Variants in NDUFS4 observed in about 807,000 individuals in gnomAD.
NDUFS4 encodes NADH:ubiquinone oxidoreductase subunit S4.
Under a neutral mutation model 24.3 loss-of-function variants are expected in NDUFS4, and 28 were observed. The observed-to-expected ratio is 1.15, with a 90% CI of 0.85 to 1.58. NDUFS4 has a LOEUF of 1.58. Ranked by LOEUF, NDUFS4 falls within the 40% of genes most tolerant of loss-of-function variation. The pLI is 0.00. For missense variants in NDUFS4, 223 were observed against 207.9 expected (o/e 1.07, Z -0.45); for synonymous variants, 93 against 69.7 (o/e 1.34, Z -1.67).
rs139752743 is a variant in NDUFS4 at position 53,593,813 on chromosome 5, T to C, written c.99-9639T>C. Reference sequence around the variant, plus strand: ...GAGACTTTTTTGACCCATGAGTTATTTAGAAGTGTATTGTTTGATCTCCAA... The same window carrying C: ...GAGACTTTTTTGACCCATGAGTTATCTAGAAGTGTATTGTTTGATCTCCAA... On this transcript the variant is annotated intron_variant, in intron 1 of 4. Transcript: ENST00000296684. Among the ~76,000 whole-genome samples, 108 of 152,226 alleles carry C rather than the reference T, an allele frequency of 7.1e-4. 2 individuals are homozygous for C. In the East Asian group the frequency reaches 0.016, roughly 23 times the overall value.
intron 1 of NDUFS4, among the ~76,000 whole-genome samples, chr5:53,598,218 C>G (rs192325479): frequency 3.9e-5 from 6 of 152,284 alleles, no homozygotes; most frequent in Middle Eastern, 3.4e-3. Flanking sequence ...AAAACATAGT[C>G]TTAACGTATG....
intron 2 of NDUFS4, among the ~76,000 whole-genome samples, chr5:53,638,960 C>T (rs1479251184): frequency 3.9e-5 from 6 of 151,908 alleles, no homozygotes; most frequent in African/African-American, 1.2e-4. Context: ...ATTTTTTTCC[C>T]CCAAGATTCC....
intron 1 of NDUFS4, among the ~76,000 whole-genome samples, chr5:53,585,077 G>T (rs1016540486): frequency 3.9e-5 from 6 of 152,144 alleles, no homozygotes; most frequent in Non-Finnish European, 7.4e-5. Context: ...ATGTTTTAAA[G>T]TTAAAAAATC....
intron 2 of NDUFS4, among the ~76,000 whole-genome samples, chr5:53,625,392 T>C (rs1561370691): frequency 6.6e-6 from 1 of 152,334 alleles, no homozygotes; most frequent in African/African-American, 2.4e-5. Context: ...ATTCTTGGAA[T>C]TTTTGATTAG....
At chr5:53,661,766 A>G (rs550050621) in intron 4 of NDUFS4, among the ~76,000 whole-genome samples, 30 of 146,562 alleles carry the variant, frequency 2.0e-4, no homozygotes, top group African/African-American at 6.4e-4. Context: ...CTTTGAAGCA[A>G]TTGTGAATGG....
intron 2 of NDUFS4, among the ~76,000 whole-genome samples, chr5:53,606,692 A>C (rs1417191392): frequency 6.6e-6 from 1 of 152,182 alleles, no homozygotes; most frequent in African/African-American, 2.4e-5. Context: ...ACCAGATCCC[A>C]TAAGAACTGA....
intron 2 of NDUFS4, among the ~76,000 whole-genome samples, chr5:53,607,091 C>T (rs1750542115): frequency 6.6e-6 from 1 of 152,270 alleles, no homozygotes; most frequent in East Asian, 1.9e-4. Flanking sequence ...ATATGGAGGC[C>T]TGACTGTAGA....
intron 2 of NDUFS4, 137 bp from the exon 3 acceptor site, chr5:53,646,096 A>C: frequency 1.4e-6 from 1 of 716,622 alleles, no homozygotes; most frequent in Non-Finnish European, 2.4e-6. Context: ...TCAGAATGGT[A>C]GTGAAATAAG....
chr5:53,584,258 C>G (rs977810526), intron 1 of NDUFS4, among the ~76,000 whole-genome samples: 1 of 152,106 alleles, frequency 6.6e-6, no homozygotes, highest in Non-Finnish European at 1.5e-5. Flanking sequence ...GTGCGTAAGA[C>G]ATAATAGATA....
At chr5:53,637,916 C>T (rs1369998351) in intron 2 of NDUFS4, among the ~76,000 whole-genome samples, 1 of 152,066 alleles carries the variant, frequency 6.6e-6, no homozygotes, top group African/African-American at 2.4e-5. Flanking sequence ...TTGCTCACTG[C>T]AAACACTTTG....
chr5:53,626,683 T>G (rs1579891406), intron 2 of NDUFS4, among the ~76,000 whole-genome samples: 1 of 152,236 alleles, frequency 6.6e-6, no homozygotes, highest in Non-Finnish European at 1.5e-5. Flanking sequence ...TGTCTTCTTT[T>G]GAGAAGTGTC....
chr5:53,616,665 G>T (rs149666104), intron 2 of NDUFS4, among the ~76,000 whole-genome samples: 22 of 152,272 alleles, frequency 1.4e-4, no homozygotes, highest in African/African-American at 5.3e-4. Flanking sequence ...GTGGGCAGGA[G>T]CTGGATCAGG....
At chr5:53,638,017 A>G (rs1751607545) in intron 2 of NDUFS4, among the ~76,000 whole-genome samples, 1 of 152,170 alleles carries the variant, frequency 6.6e-6, no homozygotes, top group Non-Finnish European at 1.5e-5. Context: ...GTTCATTATT[A>G]TAATGATGCA....
chr5:53,681,274 C>CGTAA (rs1194901339), intron 4 of NDUFS4, among the ~76,000 whole-genome samples: 8 of 152,054 alleles, frequency 5.3e-5, no homozygotes, highest in Non-Finnish European at 2.9e-5. Flanking sequence ...ATGCTAGTTA[C>CGTAA]CTAACCTCTC....
At chr5:53,576,462 G>GT (rs1376321083) in intron 1 of NDUFS4, among the ~76,000 whole-genome samples, 1 of 152,006 alleles carries the variant, frequency 6.6e-6, no homozygotes. Context: ...ATTTCAGATT[G>GT]TTTTTTTCCC....
intron 1 of NDUFS4, 22 bp downstream of exon 1, chr5:53,560,782 T>C (rs1192185572): frequency 2.2e-5 from 36 of 1,613,978 alleles, no homozygotes; most frequent in Non-Finnish European, 3.0e-5. Flanking sequence ...TTCACACTTT[T>C]CTTCAAGCTT....
At chr5:53,656,820 C>A (rs1286777266) in intron 3 of NDUFS4, among the ~76,000 whole-genome samples, 1 of 151,712 alleles carries the variant, frequency 6.6e-6, no homozygotes, top group African/African-American at 2.4e-5. Flanking sequence ...GTCAAGGAGG[C>A]AGAAAGATTA....
intron 4 of NDUFS4, 47 bp from the exon 5 acceptor site, chr5:53,683,071 C>G: frequency 8.1e-7 from 1 of 1,240,962 alleles, no homozygotes; most frequent in Non-Finnish European, 1.2e-6. Flanking sequence ...TTCAGGTATC[C>G]TCTTTAATTC....
chr5:53,675,541 C>T (rs1481569341), intron 4 of NDUFS4, among the ~76,000 whole-genome samples: 2 of 151,828 alleles, frequency 1.3e-5, no homozygotes, highest in East Asian at 1.9e-4. Context: ...CACAATAAGG[C>T]TTTTCTCTAT....
Sources: allele counts gnomAD v4.1 joint callset (sites outside exome capture counted in the v4.1 genomes callset), GRCh38; gene constraint gnomAD v4.1.1; transcripts MANE v1.5; gene names NCBI Gene and HGNC (gene_info 2026-07-23, HGNC 2026-07-21).